Variants in TDRD9 observed in about 807,000 individuals in gnomAD.
The protein encoded by TDRD9 is tudor domain containing 9.
In TDRD9, 124 loss-of-function variants were observed where a neutral mutation model predicts 172.6. That is an observed-to-expected ratio of 0.72 (90% CI 0.62 to 0.83). TDRD9 has a LOEUF of 0.83. Among genes scored for constraint, TDRD9 ranks in the 40% least tolerant of loss-of-function variants. TDRD9 has a pLI of 0.00. For synonymous variants in TDRD9, 619 were observed against 617.1 expected, an observed-to-expected ratio of 1.00 and a Z score of -0.05; for missense variants, 1,479 against 1,714.1, an observed-to-expected ratio of 0.86 and a Z score of 2.42.
chr14:104,019,167 C>T (rs1319014511), intron 23 of TDRD9, among the ~76,000 whole-genome samples: 1 of 152,208 alleles, frequency 6.6e-6, no homozygotes, highest in Non-Finnish European at 1.5e-5. Flanking sequence ...CAGCTAAACT[C>T]ATTCCTGAAT....
At chr14:104,026,212 G>A in intron 27 of TDRD9, 76 bp downstream of exon 27, 1 of 1,035,658 alleles carries the variant, frequency 9.7e-7, no homozygotes, top group Non-Finnish European at 1.5e-6. Flanking sequence ...GGGTCATATG[G>A]TGCCCTGCCT....
Position 104,031,333 on chromosome 14 carries a change from T to C in TDRD9, c.3438+70T>C, listed in dbSNP as rs1028180727. The C allele has an allele frequency of 1.9e-5, 25 of 1,341,124 alleles. No individual in the cohort carries two copies. In the African/African-American group the frequency reaches 3.1e-4, roughly 17 times the overall value. 83.1% of individuals were successfully genotyped at this position (1,341,124 alleles called of 1,614,324 possible). A position where few individuals can be genotyped will look rare whatever the true frequency, so the allele number is the denominator to read the frequency against. On this transcript the variant is annotated intron_variant, in intron 29 of 35. Coordinates refer to ENST00000409874, the MANE Select transcript of TDRD9 (RefSeq NM_153046.3). ...TTTTACATTTATGTGCTAGGAGTTG[T>C]AGTCAGTAGTCATGGTGGTTTTTTC...
In TDRD9 at chr14:103,956,369, C is replaced by G. The variant is rs1433603848; in HGVS notation, c.322+599C>G. On this transcript the variant is annotated intron_variant, in intron 2 of 35. Transcript: ENST00000409874. ...AGGAGAATCACTTGAACCTGGGAGG[C>G]AGAGATTACAGTGAGCCAAGATCGT... is the stretch of plus-strand genomic sequence containing the variant. Among the ~76,000 whole-genome samples, 4 of 151,480 alleles carry G rather than the reference C, an allele frequency of 2.6e-5. No individual in the cohort carries two copies. The East Asian group carries it at 7.7e-4, about 29-fold the overall frequency.
chr14:103,995,349 T>C (rs1168125603), intron 11 of TDRD9, among the ~76,000 whole-genome samples: 1 of 152,172 alleles, frequency 6.6e-6, no homozygotes, highest in African/African-American at 2.4e-5. Context: ...TCGCCCCCCT[T>C]GATTGCTTTG....
chr14:104,003,945 C>T (rs573996819), intron 13 of TDRD9, among the ~76,000 whole-genome samples: 3 of 152,224 alleles, frequency 2.0e-5, no homozygotes, highest in African/African-American at 7.2e-5. Context: ...AGGTTGTTTT[C>T]TTCAGAAATA....
chr14:104,005,414 G>A lies in TDRD9; in HGVS notation c.1713+9G>A. ...TCCTTCTACTAAAGGAGGTAGGACT[G>A]CCTGCTGGTTAGTACTGTTGGCATC... On this transcript the variant is annotated intron_variant, in intron 15 of 35. Transcript: ENST00000409874. The A allele has an allele frequency of 6.2e-7, 1 of 1,613,898 alleles. No homozygotes were observed.
chr14:104,007,015 T>C (rs1308292100), intron 18 of TDRD9, 145 bp from the exon 19 acceptor site: 3 of 968,868 alleles, frequency 3.1e-6, no homozygotes, highest in Admixed American at 2.5e-5. Context: ...GTGAGTGAGG[T>C]GGAAGTCCAA....
rs900872837 is a variant in TDRD9 at position 103,997,664 on chromosome 14, C to T, written c.1379-960C>T. ...GGAGTGCACAGAGGGAGGGTGGCCCCGGTGTGTAAAGGTGGGCAGTAAGAG... is the reference window on the plus strand; with the variant it reads ...GGAGTGCACAGAGGGAGGGTGGCCCTGGTGTGTAAAGGTGGGCAGTAAGAG... On this transcript the variant is annotated intron_variant, in intron 12 of 35. Transcript: ENST00000409874. This position sits in a 1 kb window ranked among gnomAD's most constrained non-coding sequence, Gnocchi z 5.1. Among the ~76,000 whole-genome samples the T allele has an allele frequency of 3.9e-5, 6 of 152,164 alleles. No individual in the cohort carries two copies. The highest frequency in any genetic ancestry group is 6.5e-5 in the Admixed American group (1 of 15,276).
chr14:103,994,683 G>T, intron 11 of TDRD9, 80 bp downstream of exon 11: 1 of 1,190,132 alleles, frequency 8.4e-7, no homozygotes, highest in South Asian at 1.3e-5. Context: ...AATATTTTCT[G>T]GGTGTCGTGG....
At chr14:104,035,291 CA>C (rs1004568389) in intron 32 of TDRD9, among the ~76,000 whole-genome samples, 1 of 150,658 alleles carries the variant, frequency 6.6e-6, no homozygotes. Flanking sequence ...GAGCTTGAGG[CA>C]AAAAAGGGGT....
At chr14:103,978,547 G>T (rs1039957201) in intron 7 of TDRD9, among the ~76,000 whole-genome samples, 3 of 152,106 alleles carry the variant, frequency 2.0e-5, no homozygotes, top group Admixed American at 2.0e-4. Flanking sequence ...ATTAGGTTTG[G>T]TCGCGATGTT....
chr14:104,021,519 C>T (rs1438404538), intron 23 of TDRD9, among the ~76,000 whole-genome samples: 1 of 151,978 alleles, frequency 6.6e-6, no homozygotes, highest in African/African-American at 2.4e-5. Flanking sequence ...ATGGTGAAAC[C>T]CTGTCTCTAC....
intron 1 of TDRD9, chr14:103,941,661 T>C (rs1374583609): frequency 8.5e-6 from 13 of 1,526,314 alleles, no homozygotes; most frequent in Middle Eastern, 1.7e-4. Flanking sequence ...GTAGGAATCG[T>C]TTTTGGGCCA....
intron 20 of TDRD9, among the ~76,000 whole-genome samples, chr14:104,010,802 G>A (rs1458302414): frequency 6.6e-6 from 1 of 152,190 alleles, no homozygotes; most frequent in Non-Finnish European, 1.5e-5. Flanking sequence ...GCCCTGTGGC[G>A]CCCATGTGAA....
chr14:104,049,120 A>ATGTATGTG (rs1555377358), intron 34 of TDRD9, among the ~76,000 whole-genome samples: 70 of 101,980 alleles, frequency 6.9e-4, no homozygotes, highest in African/African-American at 1.6e-3. Flanking sequence ...GTATGTATGT[A>ATGTATGTG]TGTGTGTGTG....
intron 2 of TDRD9, among the ~76,000 whole-genome samples, chr14:103,956,106 AAAAAAATATATATATATATAT>A (rs1566738215): frequency 2.3e-5 from 1 of 43,116 alleles, no homozygotes; most frequent in African/African-American, 9.8e-5. Flanking sequence ...AAAAAAAAAA[AAAAAAATATATATATATATAT>A]ATATATATAT....
At chr14:103,944,437 A>G (rs2031449384) in intron 1 of TDRD9, among the ~76,000 whole-genome samples, 1 of 151,636 alleles carries the variant, frequency 6.6e-6, no homozygotes, top group Non-Finnish European at 1.5e-5. Flanking sequence ...TTTTCCTTCA[A>G]CCTGAGGGTC....
At chr14:104,035,575 A>C (rs1316711675) in intron 32 of TDRD9, among the ~76,000 whole-genome samples, 1 of 152,224 alleles carries the variant, frequency 6.6e-6, no homozygotes, top group Non-Finnish European at 1.5e-5. Context: ...AGAGCTCTTA[A>C]AGGCACCCTC....
intron 1 of TDRD9, chr14:103,941,380 G>C (rs1566726136): frequency 6.6e-7 from 1 of 1,514,264 alleles, no homozygotes; most frequent in Non-Finnish European, 8.8e-7. Context: ...AATCATAAGA[G>C]AACATAGTAT....
Sources: allele counts gnomAD v4.1 joint callset (sites outside exome capture counted in the v4.1 genomes callset), GRCh38; gene constraint gnomAD v4.1.1; non-coding constraint Gnocchi (gnomAD v3.1); transcripts MANE v1.5; gene names NCBI Gene and HGNC (gene_info 2026-07-23, HGNC 2026-07-21).